SMARCA5: variants seen among roughly 807,000 people sequenced by gnomAD.
SMARCA5 encodes SWI/SNF-related matrix-associated actin-dependent regulator of chromatin subfamily A member 5.
Under a neutral mutation model 140.4 loss-of-function variants are expected in SMARCA5, and 18 were observed. That is an observed-to-expected ratio of 0.13 (90% CI 0.09 to 0.19). SMARCA5 has a LOEUF of 0.19. SMARCA5 is among the 10% of genes least tolerant of loss of function. The pLI, the probability that SMARCA5 is intolerant of heterozygous loss-of-function variation, is 1.00. For missense variants in SMARCA5, 606 were observed against 1,276.8 expected, an observed-to-expected ratio of 0.47 and a Z score of 8.01; for synonymous variants, 449 against 419.6, an observed-to-expected ratio of 1.07 and a Z score of -0.86.
At chr4:143,515,773 C>T (rs187380897) in intron 1 of SMARCA5, among the ~76,000 whole-genome samples, 2 of 152,162 alleles carry the variant, frequency 1.3e-5, no homozygotes, top group Admixed American at 1.3e-4. Context: ...CTAGGTAGAA[C>T]CTGTAATAAA....
intron 9 of SMARCA5, among the ~76,000 whole-genome samples, chr4:143,534,264 A>G (rs1260212749): frequency 1.3e-5 from 2 of 152,144 alleles, no homozygotes; most frequent in African/African-American, 2.4e-5. Flanking sequence ...AACTGAGCCT[A>G]CAATATCTCT....
At chr4:143,528,114 C>T (rs1295552695) in intron 7 of SMARCA5, 91 bp downstream of exon 7, 8 of 988,366 alleles carry the variant, frequency 8.1e-6, no homozygotes, top group Non-Finnish European at 1.1e-5. Flanking sequence ...TTATGAGATA[C>T]ATGTGCAGAA....
intron 5 of SMARCA5, among the ~76,000 whole-genome samples, chr4:143,525,801 G>A (rs1174609735): frequency 6.6e-6 from 1 of 152,136 alleles, no homozygotes; most frequent in African/African-American, 2.4e-5. Flanking sequence ...ATAGTACAAT[G>A]ATTTATTTGC....
Position 143,513,963 on chromosome 4 carries a change from C to T in SMARCA5, c.39C>T (p.Pro13=). 6.4e-7 allele frequency: 1 copy of T among 1,554,656 alleles called. No homozygotes were observed. The highest frequency in any genetic ancestry group is 1.2e-5 in the South Asian group (1 of 85,816). The change falls in exon 1 of 24, where the codon CCC becomes CCT. Residue 13 remains proline (P), a synonymous_variant. Coordinates refer to ENST00000283131, the MANE Select transcript of SMARCA5 (RefSeq NM_003601.4). ...CCGAGCCTCCGCCACCCCCGCCTCC[C>T]GAGAGCGCGCCTTCCAAGCCCGCAG... The part of the protein sequence containing the change: ...SAAEPPPPPP[P]ESAPSKPAAS...
chr4:143,517,461 A>C, intron 2 of SMARCA5, 32 bp downstream of exon 2: 1 of 1,434,088 alleles, frequency 7.0e-7, no homozygotes, highest in Admixed American at 2.1e-5. Flanking sequence ...AGAGTCTATA[A>C]GGAAAACTTT....
chr4:143,514,179 G>A, intron 1 of SMARCA5, 78 bp downstream of exon 1: 1 of 1,334,688 alleles, frequency 7.5e-7, no homozygotes, highest in Non-Finnish European at 9.9e-7. Context: ...GTGGCGATCG[G>A]ACGCAGAGCC....
intron 22 of SMARCA5, among the ~76,000 whole-genome samples, chr4:143,548,669 GTT>G (rs1737578457): frequency 6.6e-6 from 1 of 152,166 alleles, no homozygotes; most frequent in African/African-American, 2.4e-5. Context: ...ATTCAGAAAA[GTT>G]TAACTTTGAT....
Position 143,555,088 on chromosome 4 carries a change from T to C in SMARCA5, c.*1904T>C. On this transcript the variant is annotated 3_prime_UTR_variant, in exon 24 of 24. Transcript: ENST00000283131. ...TTTTGTTTCCTGGCAGTAATTAAAA[T>C]CTTCTGTCAGTGCCACAGCTACTAC... 5 of 629,008 alleles carry C rather than the reference T, an allele frequency of 7.9e-6. No homozygotes were observed. The highest frequency in any genetic ancestry group is 1.5e-5 in the Non-Finnish European group (5 of 338,276). The allele number at this position is 629,008 out of a possible 1,614,324, so 39.0% of individuals were successfully genotyped here. A position where few individuals can be genotyped will look rare whatever the true frequency, so the allele number is the denominator to read the frequency against.
intron 9 of SMARCA5, 86 bp from the exon 10 acceptor site, chr4:143,534,769 A>G (rs1296623915): frequency 4.3e-6 from 4 of 931,094 alleles, no homozygotes; most frequent in East Asian, 3.0e-5. Context: ...TTTCTTTTTC[A>G]TGTATTTTAT....
intron 1 of SMARCA5, among the ~76,000 whole-genome samples, chr4:143,515,585 G>A (rs1179818200): frequency 6.6e-6 from 1 of 152,090 alleles, no homozygotes; most frequent in African/African-American, 2.4e-5. Flanking sequence ...TTTCACCAGA[G>A]GTCTTATTAA....
rs371442579 is a variant in SMARCA5, at chr4:143,524,330, A to G, written c.420-37A>G. The G allele has an allele frequency of 1.5e-5, 22 of 1,463,122 alleles. No homozygotes were observed. The African/African-American group carries it at 3.1e-4, about 21-fold the overall frequency. 90.6% of individuals were successfully genotyped at this position (1,463,122 alleles called of 1,614,324 possible). On this transcript the variant is annotated intron_variant, in intron 3 of 23. Coordinates refer to ENST00000283131, the MANE Select transcript of SMARCA5 (RefSeq NM_003601.4). Reference sequence around the variant, plus strand: ...AAACAGTAGCTGATAATTAAAGCCAAAACTCAAATCAGGTTATTTTATTTT... The same window carrying G: ...AAACAGTAGCTGATAATTAAAGCCAGAACTCAAATCAGGTTATTTTATTTT...
Position 143,513,736 on chromosome 4 carries a change from A to G in SMARCA5, c.-189A>G, listed in dbSNP as rs147870798. 5.8e-4 allele frequency: 358 copies of G among 613,292 alleles called. 1 individual carries two copies. In the African/African-American group the frequency reaches 6.2e-3, roughly 11 times the overall value. 38.0% of individuals were successfully genotyped at this position (613,292 alleles called of 1,614,324 possible). A position where few individuals can be genotyped will look rare whatever the true frequency, so the allele number is the denominator to read the frequency against. ...ACCTAGAGCCCCGCGGAAGAGCAGA[A>G]CGTTTGGGAGTGTGCAGCTCCTGGG... is the stretch of plus-strand genomic sequence containing the variant. On this transcript the variant is annotated 5_prime_UTR_variant, in exon 1 of 24. Transcript: ENST00000283131.
chr4:143,543,119 A>G (rs1737463099), intron 14 of SMARCA5, among the ~76,000 whole-genome samples: 1 of 152,248 alleles, frequency 6.6e-6, no homozygotes, highest in Admixed American at 6.5e-5. Flanking sequence ...TTTTCTAAGG[A>G]GAAAAGCTGA....
At chr4:143,550,832 A>G (rs1737627595) in intron 23 of SMARCA5, among the ~76,000 whole-genome samples, 1 of 152,032 alleles carries the variant, frequency 6.6e-6, no homozygotes. Context: ...TTATCTGTTG[A>G]TGGACACTTA....
At chr4:143,530,347 G>A (rs1191038890) in intron 8 of SMARCA5, 111 bp from the exon 9 acceptor site, 17 of 603,550 alleles carry the variant, frequency 2.8e-5, no homozygotes, top group Non-Finnish European at 3.5e-5. Context: ...ATTTTTTTTT[G>A]TGGGTTACAA....
chr4:143,551,615 G>T (rs1183878101), intron 23 of SMARCA5, among the ~76,000 whole-genome samples: 6 of 151,948 alleles, frequency 3.9e-5, no homozygotes, highest in African/African-American at 1.5e-4. Context: ...TCTGTGTATG[G>T]ATATCCAATT....
At position 143,555,119 on chromosome 4, in the gene SMARCA5, C is replaced by A. The variant is rs1737721310; in HGVS notation, c.*1935C>A. 1.5e-6 allele frequency: 1 copy of A among 677,932 alleles called. No individual in the cohort carries two copies. The highest frequency in any genetic ancestry group is 1.8e-5 in the Admixed American group (1 of 54,366). The allele number at this position is 677,932 out of a possible 1,614,324, so 42.0% of individuals were successfully genotyped here. Reference sequence around the variant, plus strand: ...GTCAGTGCCACAGCTACTACTGCTACTGGAACTGCCTTAACCACTACTGCT... The same window carrying A: ...GTCAGTGCCACAGCTACTACTGCTAATGGAACTGCCTTAACCACTACTGCT... On this transcript the variant is annotated 3_prime_UTR_variant, in exon 24 of 24. Coordinates refer to ENST00000283131, the MANE Select transcript of SMARCA5 (RefSeq NM_003601.4).
rs1737408209 is a variant in SMARCA5 at position 143,540,597 on chromosome 4, T to C, written c.1903+102T>C. The stretch of plus-strand genomic sequence containing the variant: ...TTCTTGTTACTAAGCATCCATTGAG[T>C]CAAGCTTGCAGCCAGTAGAGATGAC... On this transcript the variant is annotated intron_variant, in intron 14 of 23. Coordinates refer to ENST00000283131, the MANE Select transcript of SMARCA5 (RefSeq NM_003601.4). 17 of 1,091,806 alleles carry C rather than the reference T, an allele frequency of 1.6e-5. No homozygotes were observed. The South Asian group carries it at 2.2e-4, about 14-fold the overall frequency. 67.6% of individuals were successfully genotyped at this position (1,091,806 alleles called of 1,614,324 possible).
chr4:143,531,926 A>G (rs1737194954), intron 9 of SMARCA5, among the ~76,000 whole-genome samples: 2 of 152,180 alleles, frequency 1.3e-5, no homozygotes, highest in African/African-American at 4.8e-5. Context: ...CCTTCTGTGT[A>G]TTCCATCTTT....
Sources: allele counts gnomAD v4.1 joint callset (sites outside exome capture counted in the v4.1 genomes callset), GRCh38; gene constraint gnomAD v4.1.1; transcripts MANE v1.5; gene names NCBI Gene and HGNC (gene_info 2026-07-23, HGNC 2026-07-21).